Variants in GOLGB1 observed in about 807,000 individuals in gnomAD.
The protein encoded by GOLGB1 is golgin B1.
Under a neutral mutation model 336.9 loss-of-function variants are expected in GOLGB1, and 174 were observed. The observed-to-expected ratio is 0.52, with a 90% CI of 0.46 to 0.59. GOLGB1 has a LOEUF of 0.59. Ranked by LOEUF, GOLGB1 falls within the 20% of genes least tolerant of loss-of-function variation. The pLI is 0.00. For missense variants in GOLGB1, 3,331 were observed against 3,645.3 expected (o/e 0.91, Z 2.22); for synonymous variants, 1,208 against 1,289.2 (o/e 0.94, Z 1.35).
At chr3:121,681,578 G>C in intron 15 of GOLGB1, 109 bp downstream of exon 15, 1 of 743,720 alleles carries the variant, frequency 1.3e-6, no homozygotes, top group South Asian at 1.8e-5. Context: ...GGAAGAAACT[G>C]GGTGAAGGGT....
chr3:121,748,162 T>A (rs1947497905), intron 1 of GOLGB1, among the ~76,000 whole-genome samples: 1 of 152,126 alleles, frequency 6.6e-6, no homozygotes, highest in Admixed American at 6.5e-5. Flanking sequence ...ATGCCAGAAA[T>A]GCCAACGACC....
chr3:121,727,859 A>G (rs1173740053), intron 4 of GOLGB1, among the ~76,000 whole-genome samples: 1 of 152,194 alleles, frequency 6.6e-6, no homozygotes, highest in Non-Finnish European at 1.5e-5. Context: ...TTTCCACAGA[A>G]TACCTAGCTC....
At chr3:121,707,236 A>C (rs867900350) in intron 10 of GOLGB1, among the ~76,000 whole-genome samples, 6 of 150,364 alleles carry the variant, frequency 4.0e-5, no homozygotes, top group East Asian at 1.9e-4. Context: ...AAAAAAAAAA[A>C]AAAAAACAAA....
At chr3:121,735,197 T>C (rs1427829666) in intron 1 of GOLGB1, among the ~76,000 whole-genome samples, 1 of 152,220 alleles carries the variant, frequency 6.6e-6, no homozygotes, top group Non-Finnish European at 1.5e-5. Flanking sequence ...CTGTTCTGTA[T>C]GATCTTGAAG....
chr3:121,699,797 G>C lies in GOLGB1; in HGVS notation c.1593+15C>G, dbSNP rs1348524879. 7 of 1,496,310 alleles carry C rather than the reference G, an allele frequency of 4.7e-6. 1 individual carries two copies. In the Admixed American group the frequency reaches 1.0e-4, roughly 22 times the overall value. The allele number at this position is 1,496,310 out of a possible 1,614,324, so 92.7% of individuals were successfully genotyped here. On this transcript the variant is annotated intron_variant, in intron 12 of 21. Coordinates refer to ENST00000614479, the MANE Select transcript of GOLGB1 (RefSeq NM_001366282.2). ...CTAGCTCATGTTCTGGTTATATTAAGAACACATCACTTACCTCACTGACTT... is the reference window on the plus strand; with the variant it reads ...CTAGCTCATGTTCTGGTTATATTAACAACACATCACTTACCTCACTGACTT...
intron 10 of GOLGB1, among the ~76,000 whole-genome samples, chr3:121,714,152 C>T (rs1163031436): frequency 6.6e-6 from 1 of 152,162 alleles, no homozygotes; most frequent in East Asian, 1.9e-4. Context: ...CAGTGGACAG[C>T]ATAGCCCAGG....
At chr3:121,678,434 G>A (rs1205722286) in intron 15 of GOLGB1, among the ~76,000 whole-genome samples, 3 of 152,166 alleles carry the variant, frequency 2.0e-5, no homozygotes, top group Non-Finnish European at 1.5e-5. Context: ...TAGAAATTGA[G>A]ATTCCAACTC....
chr3:121,665,398 G>A (rs529484631), intron 20 of GOLGB1, among the ~76,000 whole-genome samples: 37 of 151,038 alleles, frequency 2.4e-4, no homozygotes, highest in African/African-American at 8.9e-4. Context: ...GGCAGAGCCA[G>A]AATTCAATAC....
intron 1 of GOLGB1, among the ~76,000 whole-genome samples, chr3:121,743,018 G>C (rs1946988985): frequency 6.6e-6 from 1 of 152,190 alleles, no homozygotes; most frequent in South Asian, 2.1e-4. Context: ...ACTATTGGTG[G>C]TAGTGTAAAT....
intron 14 of GOLGB1, among the ~76,000 whole-genome samples, chr3:121,689,138 G>T (rs928473986): frequency 2.0e-5 from 3 of 152,114 alleles, no homozygotes; most frequent in East Asian, 1.9e-4. Flanking sequence ...CCGCCACCCC[G>T]TCTGGGAGGT....
At position 121,697,203 on chromosome 3, in the gene GOLGB1, T is replaced by C. The variant is rs1198688920; in HGVS notation, c.3320A>G (p.Gln1107Arg). The C allele has an allele frequency of 2.5e-6, 4 of 1,614,000 alleles. No individual in the cohort carries two copies. In the East Asian group the frequency reaches 6.7e-5, roughly 27 times the overall value. Residue 1107 changes from glutamine to arginine, a missense_variant, in exon 13 of 22, where the codon CAA becomes CGA. Transcript: ENST00000614479. The part of the protein sequence containing the change: ...ALVKQMNQTL[Q>R]DKTNQIDLLQ... Reference sequence around the variant, plus strand: ...CAAATCTATTTGGTTTGTTTTATCTTGCAAGGTCTGATTCATCTGTTTGAC... The same window carrying C: ...CAAATCTATTTGGTTTGTTTTATCTCGCAAGGTCTGATTCATCTGTTTGAC...
At chr3:121,675,765 A>AT (rs940585611) in intron 17 of GOLGB1, among the ~76,000 whole-genome samples, 1 of 152,138 alleles carries the variant, frequency 6.6e-6, no homozygotes, top group Non-Finnish European at 1.5e-5. Flanking sequence ...AACATTAAAA[A>AT]TTTTTTTTAG....
Position 121,685,403 on chromosome 3 carries a change from C to T in GOLGB1, c.8695-3538G>A, listed in dbSNP as rs1334723821. 5.9e-5 allele frequency among the ~76,000 whole-genome samples: 9 copies of T among 152,052 alleles called. No homozygotes were observed. In the East Asian group the frequency reaches 9.7e-4, roughly 16 times the overall value. ...TACAAAAATTAGCCGGGCAAGGTGGCGTGCACCTGTAGTCCCAGCTACTCG... is the reference window on the plus strand; with the variant it reads ...TACAAAAATTAGCCGGGCAAGGTGGTGTGCACCTGTAGTCCCAGCTACTCG... On this transcript the variant is annotated intron_variant, in intron 14 of 21. Transcript: ENST00000614479.
chr3:121,692,418 C>G lies in GOLGB1; in HGVS notation c.6946G>C (p.Glu2316Gln). The G allele has an allele frequency of 6.2e-7, 1 of 1,613,704 alleles. No homozygotes were observed. Among genetic ancestry groups the G allele is most frequent in the Non-Finnish European group, 8.5e-7 (1 of 1,179,896 alleles). Residue 2316 changes from glutamate (E) to glutamine (Q), a missense_variant, in exon 14 of 22, where the codon GAA becomes CAA. Physicochemically the swap from Glu to Gln is conservative, Grantham distance 29. Coordinates refer to ENST00000614479, the MANE Select transcript of GOLGB1 (RefSeq NM_001366282.2). Reference sequence around the variant, plus strand: ...TCTTTGAGACTCTTAAGTTCTGATTCCAACTTAGCTAATTCATTCTGAGAA... The same window carrying G: ...TCTTTGAGACTCTTAAGTTCTGATTGCAACTTAGCTAATTCATTCTGAGAA... ...HSSQNELAKL[E>Q]SELKSLKDQL... is the part of the protein sequence containing the mutation.
At chr3:121,734,020 A>G (rs921108195) in intron 1 of GOLGB1, among the ~76,000 whole-genome samples, 9 of 152,220 alleles carry the variant, frequency 5.9e-5, no homozygotes, top group African/African-American at 2.2e-4. Context: ...ACAATATATT[A>G]TAAAAAATAT....
At chr3:121,670,316 A>G (rs1044938043) in intron 17 of GOLGB1, among the ~76,000 whole-genome samples, 7 of 152,110 alleles carry the variant, frequency 4.6e-5, no homozygotes, top group Admixed American at 6.5e-5. Flanking sequence ...TGCATGTTCA[A>G]TTTTTTCTTG....
intron 10 of GOLGB1, among the ~76,000 whole-genome samples, chr3:121,713,254 T>C (rs1944494493): frequency 6.6e-6 from 1 of 152,144 alleles, no homozygotes; most frequent in African/African-American, 2.4e-5. Flanking sequence ...AGCAAAGCAA[T>C]TCCTCAACTA....
chr3:121,713,830 A>C (rs1380573355), intron 10 of GOLGB1, among the ~76,000 whole-genome samples: 1 of 152,232 alleles, frequency 6.6e-6, no homozygotes, highest in Non-Finnish European at 1.5e-5. Context: ...CAATGATATG[A>C]ATGCTGACAA....
chr3:121,706,348 G>C (rs1160491728), intron 10 of GOLGB1, among the ~76,000 whole-genome samples: 6 of 151,920 alleles, frequency 3.9e-5, no homozygotes, highest in Non-Finnish European at 1.5e-5. Context: ...GCTATGTCAA[G>C]GTACATTATA....
Sources: gnomAD v4.1 joint callset for allele counts (sites outside exome capture counted in the v4.1 genomes callset) on GRCh38, gnomAD v4.1.1 for gene constraint, MANE v1.5 for transcripts, NCBI Gene and HGNC (gene_info 2026-07-23, HGNC 2026-07-21) for gene names.